Variants in SLC10A7 observed in about 807,000 individuals in gnomAD.
SLC10A7 encodes the protein solute carrier family 10 member 7.
In SLC10A7, 29 loss-of-function variants were observed where a neutral mutation model predicts 43.2. That is an observed-to-expected ratio of 0.67 (90% confidence interval 0.50 to 0.92). The LOEUF is 0.92. Among genes scored for constraint, SLC10A7 ranks in the 40% least tolerant of loss-of-function variants. SLC10A7 has a pLI of 0.00. For synonymous variants in SLC10A7, 152 were observed against 144.8 expected (o/e 1.05, Z -0.35); for missense variants, 295 against 403.2 (o/e 0.73, Z 2.30).
intron 5 of SLC10A7, among the ~76,000 whole-genome samples, chr4:146,393,860 G>A (rs774765742): frequency 1.3e-5 from 2 of 152,172 alleles, no homozygotes; most frequent in Non-Finnish European, 2.9e-5. Context: ...CTACCAATAA[G>A]AGCAATTATT....
In SLC10A7 at chr4:146,335,911, T is replaced by C. The variant is rs76406185; in HGVS notation, c.436-9915A>G. 2.2e-4 allele frequency among the ~76,000 whole-genome samples: 34 copies of C among 152,150 alleles called. No individual in the cohort carries two copies. In the East Asian group the frequency reaches 3.9e-3, roughly 17 times the overall value. On this transcript the variant is annotated intron_variant, in intron 5 of 11. Transcript: ENST00000335472. Reference sequence around the variant, plus strand: ...TTTTGAAATCTAGATCCTCACTAGATTGAAATGTGATCTAAGCGCCAGCAA... The same window carrying C: ...TTTTGAAATCTAGATCCTCACTAGACTGAAATGTGATCTAAGCGCCAGCAA...
At chr4:146,492,137 A>G (rs530019010) in intron 4 of SLC10A7, among the ~76,000 whole-genome samples, 11 of 151,520 alleles carry the variant, frequency 7.3e-5, no homozygotes, top group Non-Finnish European at 1.2e-4. Flanking sequence ...GGAGAATGGC[A>G]TGCACCCTGG....
At chr4:146,372,224 TG>T (rs1204444197) in intron 5 of SLC10A7, among the ~76,000 whole-genome samples, 1 of 151,966 alleles carries the variant, frequency 6.6e-6, no homozygotes, top group East Asian at 1.9e-4. Flanking sequence ...GAGGCTGAGG[TG>T]GGCAGATTGC....
chr4:146,296,835 A>T (rs1193668488), intron 7 of SLC10A7, among the ~76,000 whole-genome samples: 2 of 152,140 alleles, frequency 1.3e-5, no homozygotes, highest in Non-Finnish European at 2.9e-5. Context: ...TGCCTCAAAG[A>T]TATGCTTTGG....
At chr4:146,268,213 G>A (rs1728683532) in intron 10 of SLC10A7, among the ~76,000 whole-genome samples, 1 of 152,134 alleles carries the variant, frequency 6.6e-6, no homozygotes, top group African/African-American at 2.4e-5. Flanking sequence ...TTCTGGTGTA[G>A]TCAGGAACTA....
chr4:146,388,482 C>T (rs932707120), intron 5 of SLC10A7, among the ~76,000 whole-genome samples: 2 of 151,934 alleles, frequency 1.3e-5, no homozygotes, highest in African/African-American at 4.8e-5. Flanking sequence ...GAAGAGGCTG[C>T]GCATGGTGGA....
At chr4:146,337,476 T>C (rs920117445) in intron 5 of SLC10A7, among the ~76,000 whole-genome samples, 1 of 152,000 alleles carries the variant, frequency 6.6e-6, no homozygotes, top group African/African-American at 2.4e-5. Flanking sequence ...CATTATCCAA[T>C]GGTCAGCCAA....
At chr4:146,371,740 T>C (rs896912102) in intron 5 of SLC10A7, among the ~76,000 whole-genome samples, 1 of 152,142 alleles carries the variant, frequency 6.6e-6, no homozygotes, top group Non-Finnish European at 1.5e-5. Flanking sequence ...ACAGCATGTA[T>C]TGAGGATTAA....
At chr4:146,374,889 T>C (rs1038800094) in intron 5 of SLC10A7, among the ~76,000 whole-genome samples, 1 of 152,126 alleles carries the variant, frequency 6.6e-6, no homozygotes, top group Non-Finnish European at 1.5e-5. Flanking sequence ...AGAGAGACCA[T>C]CTGTTTCTAA....
At chr4:146,390,335 G>T (rs1414893526) in intron 5 of SLC10A7, among the ~76,000 whole-genome samples, 3 of 152,252 alleles carry the variant, frequency 2.0e-5, no homozygotes, top group African/African-American at 7.2e-5. Context: ...ATATGTAAAA[G>T]ATAGCTATTT....
In SLC10A7 at chr4:146,266,422, G is replaced by GAC. The variant is rs145477159; in HGVS notation, c.848-7587_848-7586dup. On this transcript the variant is annotated intron_variant, in intron 10 of 11. Transcript: ENST00000335472. Reference sequence around the variant, plus strand: ...CCCACCACACATGCCCATGCACATGGACACACACACACACACACATGCACG... The same window carrying GAC: ...CCCACCACACATGCCCATGCACATGGACACACACACACACACACACATGCACG... Among the ~76,000 whole-genome samples, 524 of 149,364 alleles carry GAC rather than the reference G, an allele frequency of 3.5e-3. 4 individuals carry two copies. Among genetic ancestry groups the GAC allele is most frequent in the African/African-American group, 0.01 (423 of 40,784 alleles).
intron 9 of SLC10A7, among the ~76,000 whole-genome samples, chr4:146,290,053 G>T (rs964203436): frequency 2.7e-5 from 4 of 149,500 alleles, no homozygotes; most frequent in African/African-American, 9.7e-5. Flanking sequence ...GGCTGGGCGT[G>T]GTGGCTCACG....
At chr4:146,464,738 G>C (rs1439444762) in intron 4 of SLC10A7, among the ~76,000 whole-genome samples, 1 of 151,962 alleles carries the variant, frequency 6.6e-6, no homozygotes, top group Non-Finnish European at 1.5e-5. Context: ...GTCATTTCTG[G>C]AGGAAAAAAA....
chr4:146,276,384 T>C (rs1308470238), intron 10 of SLC10A7, among the ~76,000 whole-genome samples: 1 of 152,134 alleles, frequency 6.6e-6, no homozygotes, highest in Non-Finnish European at 1.5e-5. Context: ...AACAAGTACA[T>C]ACATAATTAC....
At chr4:146,278,006 A>C (rs910293582) in intron 10 of SLC10A7, among the ~76,000 whole-genome samples, 1 of 152,186 alleles carries the variant, frequency 6.6e-6, no homozygotes, top group African/African-American at 2.4e-5. Context: ...ACAATTAATA[A>C]AACAATTCAA....
intron 4 of SLC10A7, among the ~76,000 whole-genome samples, chr4:146,472,436 GT>G (rs5862760): frequency 0.74 from 94,860 of 128,908 alleles, 33,935 homozygotes; most frequent in East Asian, 0.92. Context: ...GGCTTATTCT[GT>G]TTTTTTTTTT....
chr4:146,271,808 G>A (rs374977097), intron 10 of SLC10A7, among the ~76,000 whole-genome samples: 7 of 152,252 alleles, frequency 4.6e-5, no homozygotes, highest in African/African-American at 1.7e-4. Context: ...GCGCACTGCT[G>A]CCTCAGGTCT....
At chr4:146,263,508 CCAAA>C (rs1369856486) in intron 10 of SLC10A7, among the ~76,000 whole-genome samples, 1 of 152,058 alleles carries the variant, frequency 6.6e-6, no homozygotes, top group African/African-American at 2.4e-5. Context: ...ATTAAAAAAC[CCAAA>C]CAAACTTACT....
At chr4:146,269,783 C>T (rs1369350883) in intron 10 of SLC10A7, among the ~76,000 whole-genome samples, 2 of 152,192 alleles carry the variant, frequency 1.3e-5, no homozygotes, top group Non-Finnish European at 2.9e-5. Context: ...GCCACTGCCC[C>T]ACAACCTAGA....
Sources: allele counts gnomAD v4.1 joint callset (sites outside exome capture counted in the v4.1 genomes callset), GRCh38; gene constraint gnomAD v4.1.1; transcripts MANE v1.5; gene names NCBI Gene and HGNC (gene_info 2026-07-23, HGNC 2026-07-21).